BAHD1: variants seen among roughly 807,000 people sequenced by gnomAD.
BAHD1 encodes bromo adjacent homology domain-containing 1 protein.
A neutral mutation model predicts 63.1 loss-of-function variants in BAHD1; 20 were observed. The ratio of observed to expected loss-of-function variants is 0.32; its 90% CI spans 0.22 to 0.46. The LOEUF is 0.46. BAHD1 is among the 20% of genes least tolerant of loss of function. BAHD1 has a pLI of 1.00. For missense variants in BAHD1, 939 were observed against 1,071.8 expected, an observed-to-expected ratio of 0.88 and a Z score of 1.73; for synonymous variants, 408 against 426.8, an observed-to-expected ratio of 0.96 and a Z score of 0.54.
At chr15:40,449,946 G>C (rs2141486416) in intron 1 of BAHD1, among the ~76,000 whole-genome samples, 1 of 152,300 alleles carries the variant, frequency 6.6e-6, no homozygotes, top group South Asian at 2.1e-4. Context: ...TGGACTCCTG[G>C]GGATGGAGGA....
At position 40,466,262 on chromosome 15, in the gene BAHD1, G is replaced by T. The variant is rs1894204024; in HGVS notation, c.*132G>T. The T allele has an allele frequency of 1.3e-5, 10 of 762,518 alleles. No individual in the cohort carries two copies. The highest frequency in any genetic ancestry group is 3.4e-5 in the East Asian group (1 of 29,062). The allele number at this position is 762,518 out of a possible 1,614,324, so 47.2% of individuals were successfully genotyped here. ...GCTGGCCTGTGGTTTTCTTGGGGGG[G>T]AGGGCAGGGGCCCCTGTGGGTTCTG... On this transcript the variant is annotated 3_prime_UTR_variant, in exon 7 of 7. Coordinates refer to ENST00000416165, the MANE Select transcript of BAHD1 (RefSeq NM_014952.5).
rs756268346 is a variant in BAHD1 at position 40,459,456 on chromosome 15, C to G, written c.992C>G (p.Pro331Arg). The change falls in exon 2 of 7, where the codon CCA becomes CGA. Residue 331 changes from proline to arginine, a missense_variant. By Grantham distance (103) the Pro-to-Arg change is moderately radical. This residue lies in a region of BAHD1 where 797 missense variants were observed against 813.3 expected (regional missense o/e 0.98). Coordinates refer to ENST00000416165, the MANE Select transcript of BAHD1 (RefSeq NM_014952.5). ...QAALKPEPGRPGEESPAPKQE... is the reference protein window; with the variant it reads ...QAALKPEPGRRGEESPAPKQE... The stretch of plus-strand genomic sequence containing the variant: ...GCTCTGAAGCCGGAGCCTGGGCGCC[C>G]AGGCGAGGAGTCACCTGCCCCTAAG... The G allele has an allele frequency of 6.2e-7, 1 of 1,613,638 alleles. No individual in the cohort carries two copies. Among genetic ancestry groups the G allele is most frequent in the Non-Finnish European group, 8.5e-7 (1 of 1,179,978 alleles).
chr15:40,443,613 GC>G (rs1364532313), intron 1 of BAHD1, among the ~76,000 whole-genome samples: 3 of 152,180 alleles, frequency 2.0e-5, no homozygotes, highest in Non-Finnish European at 4.4e-5. Context: ...GGAGAGTTTA[GC>G]CAGTGATTAG....
At chr15:40,464,786 AC>A in intron 5 of BAHD1, 1 of 526,224 alleles carries the variant, frequency 1.9e-6, no homozygotes, top group Non-Finnish European at 3.4e-6. Flanking sequence ...CAGAAAGGGA[AC>A]CCTTGAGGTA....
In BAHD1 at chr15:40,459,427, G is replaced by A; in HGVS notation, c.963G>A (p.Gln321=). 6.2e-7 allele frequency: 1 copy of A among 1,613,390 alleles called. No homozygotes were observed. The part of the protein sequence containing the change: ...RPHLPLLMGG[Q]AALKPEPGRP... ...ACCTGCCCCTGCTGATGGGTGGACA[G>A]GCGGCTCTGAAGCCGGAGCCTGGGC... Residue 321 remains glutamine, a synonymous_variant, in exon 2 of 7, where the codon CAG becomes CAA. Coordinates refer to ENST00000416165, the MANE Select transcript of BAHD1 (RefSeq NM_014952.5).
upstream of BAHD1, among the ~76,000 whole-genome samples, chr15:40,438,662 C>G (rs1893325174): frequency 6.6e-6 from 1 of 152,118 alleles, no homozygotes; most frequent in African/African-American, 2.4e-5. Context: ...ACAACACTCC[C>G]CTGCTCACCC....
chr15:40,444,026 G>C (rs1013169984), intron 1 of BAHD1, among the ~76,000 whole-genome samples: 3 of 152,116 alleles, frequency 2.0e-5, no homozygotes, highest in Admixed American at 2.0e-4. Context: ...TCATGACTCT[G>C]GATTTTCTAA....
In BAHD1 at chr15:40,467,567, G is replaced by GC. The variant is rs925444148; in HGVS notation, c.*1438dup. On this transcript the variant is annotated 3_prime_UTR_variant, in exon 7 of 7. Coordinates refer to ENST00000416165, the MANE Select transcript of BAHD1 (RefSeq NM_014952.5). Reference sequence around the variant, plus strand: ...GGTGGCACTGGGTGAGGACAGCTGGGCAGGGGCTGCAGAGGGAGGTGGAAA... The same window carrying GC: ...GGTGGCACTGGGTGAGGACAGCTGGGCCAGGGGCTGCAGAGGGAGGTGGAAA... 1 of 153,002 alleles carries GC rather than the reference G, an allele frequency of 6.5e-6. No individual in the cohort carries two copies. Among genetic ancestry groups the GC allele is most frequent in the African/African-American group, 2.4e-5 (1 of 41,446 alleles). The allele number at this position is 153,002 out of a possible 1,614,324, so 9.5% of individuals were successfully genotyped here.
intron 1 of BAHD1, among the ~76,000 whole-genome samples, chr15:40,446,125 C>G (rs1337470258): frequency 6.6e-6 from 1 of 152,186 alleles, no homozygotes; most frequent in African/African-American, 2.4e-5. Context: ...GAAATCTTGC[C>G]CGGTTTTATG....
intron 1 of BAHD1, chr15:40,454,401 A>G (rs935347225): frequency 6.6e-6 from 1 of 152,362 alleles, no homozygotes; most frequent in Non-Finnish European, 1.5e-5. Flanking sequence ...AGACCCTACT[A>G]TGACAGTTTA....
intron 1 of BAHD1, among the ~76,000 whole-genome samples, chr15:40,443,729 G>A (rs1486736413): frequency 6.6e-6 from 1 of 151,816 alleles, no homozygotes; most frequent in Non-Finnish European, 1.5e-5. Flanking sequence ...TGCTTCCTTT[G>A]GCCCTTCTGA....
At chr15:40,438,196 A>C (rs1311267141), upstream of BAHD1, among the ~76,000 whole-genome samples, 1 of 147,676 alleles carries the variant, frequency 6.8e-6, no homozygotes, top group Non-Finnish European at 1.5e-5. Flanking sequence ...AGGAAAGGTT[A>C]CAGGACCGAA....
chr15:40,447,567 TAAATAAATAAATAAATAAATAAATA>T (rs1318393577), intron 1 of BAHD1, among the ~76,000 whole-genome samples: 3 of 14,640 alleles, frequency 2.0e-4, no homozygotes, highest in Non-Finnish European at 2.5e-4. Flanking sequence ...CCAGAATAAA[TAAATAAATAAATAAATAAATAAATA>T]AATAAATAAA....
In BAHD1 at chr15:40,467,035, GAAATC is replaced by G. The variant is rs1392557775; in HGVS notation, c.*909_*913del. Reference sequence around the variant, plus strand: ...GTGATTCTTCAAGCCACACCCACCTGAAATCAAACCAAAGGAGTGCTGTGGCTCCC... The same window carrying G: ...GTGATTCTTCAAGCCACACCCACCTGAAACCAAAGGAGTGCTGTGGCTCCC... On this transcript the variant is annotated 3_prime_UTR_variant, in exon 7 of 7. Coordinates refer to ENST00000416165, the MANE Select transcript of BAHD1 (RefSeq NM_014952.5). 3 of 152,374 alleles carry G rather than the reference GAAATC, an allele frequency of 2.0e-5. No homozygotes were observed. The highest frequency in any genetic ancestry group is 6.5e-5 in the Admixed American group (1 of 15,272). 9.4% of individuals were successfully genotyped at this position (152,374 alleles called of 1,614,324 possible).
At chr15:40,446,668 A>G (rs1050586835) in intron 1 of BAHD1, among the ~76,000 whole-genome samples, 3 of 152,200 alleles carry the variant, frequency 2.0e-5, no homozygotes, top group African/African-American at 7.2e-5. Flanking sequence ...ATGAAAAAAA[A>G]CAGGTGATTT....
intron 1 of BAHD1, among the ~76,000 whole-genome samples, chr15:40,449,814 C>CA (rs1053414532): frequency 0.019 from 1,065 of 54,820 alleles, 9 homozygotes; most frequent in African/African-American, 0.026. Context: ...GACCCTGTCT[C>CA]AAAAAAAAAA....
chr15:40,460,143 CAGTT>C (rs1403179747), intron 2 of BAHD1, among the ~76,000 whole-genome samples: 1 of 152,148 alleles, frequency 6.6e-6, no homozygotes, highest in Non-Finnish European at 1.5e-5. Context: ...CTTGGCCTGG[CAGTT>C]AGGTAGCATT....
intron 1 of BAHD1, among the ~76,000 whole-genome samples, chr15:40,442,817 C>T (rs867974005): frequency 6.6e-6 from 1 of 152,164 alleles, no homozygotes; most frequent in Non-Finnish European, 1.5e-5. Context: ...CTGAGACTTT[C>T]CTCCCTACTC....
intron 1 of BAHD1, chr15:40,443,193 C>T (rs1281524136): frequency 4.3e-6 from 4 of 935,474 alleles, no homozygotes; most frequent in Admixed American, 6.2e-5. Context: ...GCTGTAATCC[C>T]ACCTGGGAAA....
Sources: allele counts gnomAD v4.1 joint callset (sites outside exome capture counted in the v4.1 genomes callset), GRCh38; gene constraint gnomAD v4.1.1; regional missense constraint gnomAD v4.1.1; transcripts MANE v1.5; gene names NCBI Gene and HGNC (gene_info 2026-07-23, HGNC 2026-07-21).